The following PLCB4 variants were observed in gnomAD, a reference collection of about 807,000 sequenced individuals.
PLCB4 encodes the protein 1-phosphatidylinositol 4,5-bisphosphate phosphodiesterase beta-4.
In PLCB4, 77 loss-of-function variants were observed where a neutral mutation model predicts 178.8. The ratio of observed to expected loss-of-function variants is 0.43; its 90% CI spans 0.36 to 0.52. PLCB4 has a LOEUF of 0.52. PLCB4 is among the 20% of genes least tolerant of loss of function. The pLI is 0.00. For synonymous variants in PLCB4, 496 were observed against 490.8 expected (o/e 1.01, Z -0.14); for missense variants, 1,024 against 1,453.4 (o/e 0.70, Z 4.80).
intron 4 of PLCB4, among the ~76,000 whole-genome samples, chr20:9,319,377 G>A (rs1195856257): frequency 6.6e-6 from 1 of 152,122 alleles, no homozygotes; most frequent in African/African-American, 2.4e-5. Flanking sequence ...TTGTTTTTGA[G>A]AGGGTGCTGT....
At chr20:9,390,681 C>A in intron 17 of PLCB4, 66 bp downstream of exon 17, 1 of 780,886 alleles carries the variant, frequency 1.3e-6, no homozygotes, top group South Asian at 1.4e-5. Context: ...TCTGAAGGGT[C>A]AAGTAGTACT....
chr20:9,249,714 C>T (rs1259324945), intron 3 of PLCB4, among the ~76,000 whole-genome samples: 1 of 152,148 alleles, frequency 6.6e-6, no homozygotes, highest in Admixed American at 6.5e-5. Flanking sequence ...TTCTGCCTAT[C>T]ACATCCCCTA....
intron 30 of PLCB4, among the ~76,000 whole-genome samples, chr20:9,440,562 A>G (rs768252921): frequency 2.6e-5 from 4 of 152,148 alleles, no homozygotes; most frequent in Non-Finnish European, 5.9e-5. Context: ...TGAGTCCTAG[A>G]CTTAGAACTG....
At chr20:9,299,497 A>G (rs2094679685) in intron 3 of PLCB4, among the ~76,000 whole-genome samples, 1 of 152,018 alleles carries the variant, frequency 6.6e-6, no homozygotes, top group African/African-American at 2.4e-5. Context: ...TAACATAAAA[A>G]TTTGGATCAG....
chr20:9,185,060 C>T (rs1459987161), intron 2 of PLCB4, among the ~76,000 whole-genome samples: 1 of 152,164 alleles, frequency 6.6e-6, no homozygotes, highest in African/African-American at 2.4e-5. Context: ...GTAGCTGGGA[C>T]TACAGGTGTG....
intron 7 of PLCB4, among the ~76,000 whole-genome samples, chr20:9,348,622 A>G (rs1490251623): frequency 6.6e-6 from 1 of 152,046 alleles, no homozygotes; most frequent in Non-Finnish European, 1.5e-5. Context: ...TGAAATCCTG[A>G]AAAGGTCTAC....
chr20:9,163,695 T>G (rs1238895210), intron 2 of PLCB4, among the ~76,000 whole-genome samples: 2 of 152,172 alleles, frequency 1.3e-5, no homozygotes, highest in African/African-American at 4.8e-5. Flanking sequence ...ATTTAAAACG[T>G]GAACATTCAT....
intron 2 of PLCB4, among the ~76,000 whole-genome samples, chr20:9,111,462 A>G (rs777833504): frequency 4.6e-5 from 7 of 152,186 alleles, no homozygotes; most frequent in Non-Finnish European, 1.0e-4. Flanking sequence ...TCCATTTATG[A>G]AGCTGGGGCC....
At chr20:9,152,829 A>G (rs890318504) in intron 2 of PLCB4, among the ~76,000 whole-genome samples, 4 of 151,952 alleles carry the variant, frequency 2.6e-5, no homozygotes, top group African/African-American at 4.8e-5. Flanking sequence ...CAAACACTCA[A>G]TGCCAGCCCA....
chr20:9,295,513 A>G (rs1359867619), intron 3 of PLCB4, among the ~76,000 whole-genome samples: 1 of 152,096 alleles, frequency 6.6e-6, no homozygotes, highest in Admixed American at 6.6e-5. Context: ...GTAATAAAAT[A>G]CCCTCTGCTC....
At chr20:9,187,536 T>C (rs2093346103) in intron 2 of PLCB4, among the ~76,000 whole-genome samples, 1 of 152,218 alleles carries the variant, frequency 6.6e-6, no homozygotes, top group South Asian at 2.1e-4. Context: ...TTACGTTATA[T>C]CTGACCCTAT....
chr20:9,192,178 G>A (rs781521665), intron 2 of PLCB4, among the ~76,000 whole-genome samples: 1 of 152,150 alleles, frequency 6.6e-6, no homozygotes, highest in Non-Finnish European at 1.5e-5. Context: ...CCGGCAGTAG[G>A]GAGCTGTGTG....
chr20:9,218,332 C>A (rs1393357791), intron 3 of PLCB4, among the ~76,000 whole-genome samples: 2 of 152,164 alleles, frequency 1.3e-5, no homozygotes, highest in Non-Finnish European at 2.9e-5. Flanking sequence ...GTCTCAAACT[C>A]CTGACTTCGT....
At chr20:9,475,564 T>A (rs1603112971) in intron 38 of PLCB4, among the ~76,000 whole-genome samples, 1 of 152,172 alleles carries the variant, frequency 6.6e-6, no homozygotes, top group East Asian at 1.9e-4. Flanking sequence ...TGAGACCTGA[T>A]AAAGATTTAA....
chr20:9,127,070 A>C (rs903437885), intron 2 of PLCB4, among the ~76,000 whole-genome samples: 3 of 152,136 alleles, frequency 2.0e-5, no homozygotes, highest in Non-Finnish European at 4.4e-5. Context: ...CACAAAAGAG[A>C]GTGGACGTTT....
chr20:9,269,611 G>A (rs897601292), intron 3 of PLCB4, among the ~76,000 whole-genome samples: 3 of 151,880 alleles, frequency 2.0e-5, no homozygotes, highest in African/African-American at 7.3e-5. Context: ...GAATAATTCT[G>A]TCATAGAAAG....
At chr20:9,301,511 C>T (rs1453732230) in intron 3 of PLCB4, among the ~76,000 whole-genome samples, 1 of 151,994 alleles carries the variant, frequency 6.6e-6, no homozygotes, top group Admixed American at 6.6e-5. Context: ...TGAAGACCAC[C>T]TTATAGGTCT....
rs552508446 is a variant in PLCB4, at chr20:9,373,449, A to T, written c.744+345A>T. Among the ~76,000 whole-genome samples, 8 of 152,358 alleles carry T rather than the reference A, an allele frequency of 5.3e-5. No homozygotes were observed. In the East Asian group the frequency reaches 1.3e-3, roughly 26 times the overall value. On this transcript the variant is annotated intron_variant, in intron 12 of 39. Coordinates refer to ENST00000378473, the MANE Select transcript of PLCB4 (RefSeq NM_001377142.1). Reference sequence around the variant, plus strand: ...ACTTTTTTTCTATTGATCTCATTAAATAGAAAGAGAATGGATTGAGTTTAC... The same window carrying T: ...ACTTTTTTTCTATTGATCTCATTAATTAGAAAGAGAATGGATTGAGTTTAC...
Position 9,218,224 on chromosome 20 carries a change from C to A in PLCB4, c.-16+772C>A, listed in dbSNP as rs550561844. 7.9e-5 allele frequency among the ~76,000 whole-genome samples: 12 copies of A among 152,286 alleles called. No individual in the cohort carries two copies. The South Asian group carries it at 2.5e-3, about 32-fold the overall frequency. On this transcript the variant is annotated intron_variant, in intron 3 of 39. Coordinates refer to ENST00000378473, the MANE Select transcript of PLCB4 (RefSeq NM_001377142.1). The stretch of plus-strand genomic sequence containing the variant: ...CTCCTGGGTTCAAGCGATTCTCCTG[C>A]CTCCACTTCCTGAGTAGCATTACAG...
Sources: allele counts gnomAD v4.1 joint callset (sites outside exome capture counted in the v4.1 genomes callset), GRCh38; gene constraint gnomAD v4.1.1; transcripts MANE v1.5; gene names NCBI Gene and HGNC (gene_info 2026-07-23, HGNC 2026-07-21).